RABGAP1L: variants seen among roughly 807,000 people sequenced by gnomAD.
The protein encoded by RABGAP1L is RAB GTPase activating protein 1 like.
RABGAP1L carries 63 observed loss-of-function variants against 137.7 expected under a neutral mutation model. The ratio of observed to expected loss-of-function variants is 0.46; its 90% CI spans 0.37 to 0.56. The LOEUF (loss-of-function observed/expected upper bound fraction) is 0.56. Ranked by LOEUF, RABGAP1L falls within the 20% of genes least tolerant of loss-of-function variation. The pLI is 0.00. For missense variants in RABGAP1L, 1,095 were observed against 1,244.0 expected (o/e 0.88, Z 1.80); for synonymous variants, 431 against 433.7 (o/e 0.99, Z 0.08).
intron 11 of RABGAP1L, among the ~76,000 whole-genome samples, chr1:174,308,831 G>T (rs1398160934): frequency 6.6e-6 from 1 of 151,844 alleles, no homozygotes; most frequent in African/African-American, 2.4e-5. Context: ...TGATCTTTTT[G>T]CTCAAGATTG....
Position 174,634,941 on chromosome 1 carries a change from A to C in RABGAP1L, c.1711-2434A>C, listed in dbSNP as rs1227336790. ...GAGATATACCTAATGCTAGATGACGAGTTAGTGGGTGCAGCGCACCAGCAT... is the reference window on the plus strand; with the variant it reads ...GAGATATACCTAATGCTAGATGACGCGTTAGTGGGTGCAGCGCACCAGCAT... On this transcript the variant is annotated intron_variant, in intron 13 of 25. Transcript: ENST00000681986. Among the ~76,000 whole-genome samples the C allele has an allele frequency of 1.5e-4, 22 of 147,168 alleles. No homozygotes were observed. The East Asian group carries it at 3.0e-3, about 20-fold the overall frequency.
chr1:174,386,724 G>T (rs534958466), intron 12 of RABGAP1L, among the ~76,000 whole-genome samples: 1 of 152,006 alleles, frequency 6.6e-6, no homozygotes, highest in African/African-American at 2.4e-5. Flanking sequence ...GGCCGGGCTG[G>T]TCTTGAACTC....
chr1:174,325,125 A>G (rs905041730), intron 11 of RABGAP1L, among the ~76,000 whole-genome samples: 4 of 152,206 alleles, frequency 2.6e-5, no homozygotes, highest in African/African-American at 9.7e-5. Context: ...AAAAATAGAG[A>G]GAAGTTCACC....
intron 15 of RABGAP1L, among the ~76,000 whole-genome samples, chr1:174,695,505 A>AT (rs1473791145): frequency 6.6e-6 from 1 of 151,900 alleles, no homozygotes; most frequent in Non-Finnish European, 1.5e-5. Context: ...AGGATTCTGA[A>AT]TTTTTTCTCT....
At chr1:174,661,240 T>A (rs2148419605) in intron 14 of RABGAP1L, among the ~76,000 whole-genome samples, 1 of 152,320 alleles carries the variant, frequency 6.6e-6, no homozygotes, top group Admixed American at 6.5e-5. Context: ...TCTAGGCTAA[T>A]CTAAGAACCT....
chr1:174,885,427 C>G (rs576666685), intron 19 of RABGAP1L, among the ~76,000 whole-genome samples: 3 of 152,130 alleles, frequency 2.0e-5, no homozygotes, highest in African/African-American at 7.2e-5. Context: ...CAAGGTCTGT[C>G]GCTCACTGCT....
intron 13 of RABGAP1L, among the ~76,000 whole-genome samples, chr1:174,442,182 C>T (rs1479521177): frequency 6.6e-6 from 1 of 151,800 alleles, no homozygotes; most frequent in African/African-American, 2.4e-5. Flanking sequence ...AATGTGGGAC[C>T]TATCTACATT....
chr1:174,940,775 C>A (rs1017003444), intron 19 of RABGAP1L, among the ~76,000 whole-genome samples: 8 of 152,182 alleles, frequency 5.3e-5, no homozygotes, highest in African/African-American at 1.7e-4. Flanking sequence ...CCAAAACAAT[C>A]CAAAAACTTT....
chr1:174,515,014 T>C (rs774295366), intron 13 of RABGAP1L, among the ~76,000 whole-genome samples: 5 of 152,164 alleles, frequency 3.3e-5, no homozygotes, highest in South Asian at 2.1e-4. Flanking sequence ...TATATATTAA[T>C]ATAACATTTT....
At chr1:174,196,029 G>A (rs184069981) in intron 1 of RABGAP1L, among the ~76,000 whole-genome samples, 1 of 150,868 alleles carries the variant, frequency 6.6e-6, no homozygotes, top group Non-Finnish European at 1.5e-5. Context: ...CAGAGACAGG[G>A]TTTCACCGTT....
chr1:174,252,826 G>A (rs1018404677), intron 7 of RABGAP1L, among the ~76,000 whole-genome samples: 7 of 152,122 alleles, frequency 4.6e-5, no homozygotes, highest in African/African-American at 1.7e-4. Flanking sequence ...CTACAACTGG[G>A]TTTGTTCACA....
intron 19 of RABGAP1L, among the ~76,000 whole-genome samples, chr1:174,859,565 A>G (rs1649907426): frequency 6.6e-6 from 1 of 152,068 alleles, no homozygotes; most frequent in Admixed American, 6.6e-5. Context: ...CTTTGCAGGG[A>G]CATGGATGGA....
At chr1:174,497,720 C>T (rs1479857516) in intron 13 of RABGAP1L, among the ~76,000 whole-genome samples, 2 of 152,220 alleles carry the variant, frequency 1.3e-5, no homozygotes, top group Admixed American at 1.3e-4. Context: ...TATTTTCTCT[C>T]TCTCAGTCCA....
At chr1:174,322,888 C>G (rs1275038705) in intron 11 of RABGAP1L, among the ~76,000 whole-genome samples, 1 of 151,868 alleles carries the variant, frequency 6.6e-6, no homozygotes, top group Admixed American at 6.6e-5. Context: ...GCTGTGTGCT[C>G]AAGGAGAAGA....
intron 17 of RABGAP1L, among the ~76,000 whole-genome samples, chr1:174,712,706 A>G (rs1288290913): frequency 6.6e-6 from 1 of 152,092 alleles, no homozygotes; most frequent in Admixed American, 6.5e-5. Flanking sequence ...TTCCCTGATC[A>G]CCCGTTCTTA....
intron 19 of RABGAP1L, among the ~76,000 whole-genome samples, chr1:174,876,988 G>A (rs966988918): frequency 4.6e-5 from 7 of 151,642 alleles, no homozygotes; most frequent in Non-Finnish European, 7.4e-5. Flanking sequence ...CTAAGATTAC[G>A]AAAAAATAAG....
At chr1:174,802,331 A>T (rs1253167698) in intron 18 of RABGAP1L, among the ~76,000 whole-genome samples, 1 of 152,192 alleles carries the variant, frequency 6.6e-6, no homozygotes, top group African/African-American at 2.4e-5. Flanking sequence ...GCTAGGCCAG[A>T]TGCAGTGGCT....
At chr1:174,723,364 T>G (rs1341621333) in intron 17 of RABGAP1L, among the ~76,000 whole-genome samples, 1 of 152,222 alleles carries the variant, frequency 6.6e-6, no homozygotes, top group Admixed American at 6.5e-5. Context: ...CATGAGCCAC[T>G]GTGCCCGTCC....
At position 174,203,186 on chromosome 1, in the gene RABGAP1L, A is replaced by T. The variant is rs531751175; in HGVS notation, c.-33-15939A>T. Among the ~76,000 whole-genome samples, 9 of 151,860 alleles carry T rather than the reference A, an allele frequency of 5.9e-5. No homozygotes were observed. The South Asian group carries it at 1.9e-3, about 32-fold the overall frequency. ...CATCTTGAGTTAATTTTTGTTTATG[A>T]TGTAAGGAAATGGTCCACCTTCAGT... On this transcript the variant is annotated intron_variant, in intron 1 of 25. Transcript: ENST00000681986.
Sources: allele counts gnomAD v4.1 joint callset (sites outside exome capture counted in the v4.1 genomes callset), GRCh38; gene constraint gnomAD v4.1.1; transcripts MANE v1.5; gene names NCBI Gene and HGNC (gene_info 2026-07-23, HGNC 2026-07-21).